CRB1: variants seen among roughly 807,000 people sequenced by gnomAD.
The protein encoded by CRB1 is protein crumbs homolog 1.
CRB1 carries 83 observed loss-of-function variants against 120.0 expected under a neutral mutation model. The observed-to-expected ratio is 0.69, with a 90% CI of 0.58 to 0.83. The LOEUF (loss-of-function observed/expected upper bound fraction) is 0.83. Among genes scored for constraint, CRB1 ranks in the 40% least tolerant of loss-of-function variants. The pLI is 0.00. For synonymous variants in CRB1, 625 were observed against 612.5 expected (o/e 1.02, Z -0.30); for missense variants, 1,699 against 1,687.6 (o/e 1.01, Z -0.12).
chr1:197,359,926 C>A (rs938056970), intron 5 of CRB1, among the ~76,000 whole-genome samples: 3 of 152,054 alleles, frequency 2.0e-5, no homozygotes, highest in Non-Finnish European at 4.4e-5. Flanking sequence ...ATGTTTTTTG[C>A]CTATTTCCTA....
intron 5 of CRB1, among the ~76,000 whole-genome samples, chr1:197,381,308 A>T (rs1302770919): frequency 6.6e-6 from 1 of 152,244 alleles, no homozygotes. Context: ...ATAAAAGGAG[A>T]CTAGATTATT....
chr1:197,365,616 T>C (rs200031960), intron 5 of CRB1, among the ~76,000 whole-genome samples: 2 of 128,732 alleles, frequency 1.6e-5, no homozygotes, highest in African/African-American at 9.1e-5. Flanking sequence ...TTCTCCTTCT[T>C]CTTCTTCTTC....
chr1:197,386,465 G>C (rs1247397803), intron 5 of CRB1, among the ~76,000 whole-genome samples: 1 of 152,052 alleles, frequency 6.6e-6, no homozygotes. Context: ...GTCTCCCTTA[G>C]CAGAGCTAAA....
rs778507836 is a variant in CRB1, at chr1:197,427,608, A to C, written c.2283A>C (p.Gln761His). 1 of 1,614,010 alleles carries C rather than the reference A, an allele frequency of 6.2e-7. No individual in the cohort carries two copies. The highest frequency in any genetic ancestry group is 1.1e-5 in the South Asian group (1 of 91,074). Residue 761 changes from glutamine to histidine, a missense_variant, in exon 7 of 12, where the codon CAA (glutamine) becomes CAC (histidine). Transcript: ENST00000367400. ...TAGCTTTGGAAAACAGCACTTATCA[A>C]TATATCCGTGTCTGGCTAGAGCGCG... ...LLLALENSTY[Q>H]YIRVWLERGR...
At chr1:197,275,550 CACTGTCCCT>C (rs1655156673) in intron 1 of CRB1, among the ~76,000 whole-genome samples, 1 of 152,044 alleles carries the variant, frequency 6.6e-6, no homozygotes, top group Non-Finnish European at 1.5e-5. Context: ...CCCCTCTTTA[CACTGTCCCT>C]ACCTTTTACA....
chr1:197,351,553 G>A (rs924912585), intron 4 of CRB1, among the ~76,000 whole-genome samples: 3 of 152,132 alleles, frequency 2.0e-5, no homozygotes, highest in Non-Finnish European at 2.9e-5. Flanking sequence ...CAACTACGGG[G>A]CAGAGAAATA....
chr1:197,406,613 G>A (rs1663423190), intron 5 of CRB1, among the ~76,000 whole-genome samples: 1 of 152,008 alleles, frequency 6.6e-6, no homozygotes, highest in African/African-American at 2.4e-5. Flanking sequence ...TCAATATTCT[G>A]CATATTTTAA....
intron 5 of CRB1, among the ~76,000 whole-genome samples, chr1:197,403,758 G>T (rs545424779): frequency 1.3e-5 from 2 of 151,946 alleles, no homozygotes; most frequent in African/African-American, 4.8e-5. Flanking sequence ...GATGTTGAAA[G>T]GAATTAGTTT....
At position 197,453,844 on chromosome 1, in the gene CRB1, T is replaced by C. The variant is rs964004888; in HGVS notation, c.4005+11552T>C. ...TTATTAATTATTAATATATTATCAA[T>C]ATTATTATTAATATATATTAATATT... On this transcript the variant is annotated intron_variant, in intron 11 of 11. Transcript: ENST00000367400. Among the ~76,000 whole-genome samples the C allele has an allele frequency of 1.0e-4, 14 of 140,632 alleles. 1 individual carries two copies. The highest frequency in any genetic ancestry group is 8.1e-4 in the Admixed American group (11 of 13,564). 92.3% of individuals were successfully genotyped at this position (140,632 alleles called of 152,430 possible). A position where few individuals can be genotyped will look rare whatever the true frequency, so the allele number is the denominator to read the frequency against.
intron 1 of CRB1, among the ~76,000 whole-genome samples, chr1:197,285,847 A>C (rs1655792651): frequency 1.3e-5 from 2 of 151,956 alleles, no homozygotes; most frequent in African/African-American, 4.8e-5. Flanking sequence ...AACTGGATAG[A>C]GTTGAAACAT....
intron 1 of CRB1, among the ~76,000 whole-genome samples, chr1:197,312,149 A>G (rs901166043): frequency 6.6e-6 from 1 of 152,218 alleles, no homozygotes; most frequent in African/African-American, 2.4e-5. Context: ...TATATAATCA[A>G]TATACAAATA....
intron 5 of CRB1, among the ~76,000 whole-genome samples, chr1:197,419,344 C>A: frequency 6.8e-6 from 1 of 147,476 alleles, no homozygotes; most frequent in East Asian, 2.0e-4. Context: ...AATTAAAAAA[C>A]TGTGTGTCAG....
rs144046520 is a variant in CRB1, at chr1:197,429,701, C to G, written c.2842+87C>G. 6.8e-4 allele frequency: 927 copies of G among 1,359,150 alleles called. 9 individuals are homozygous for G. In the East Asian group the frequency reaches 0.02, roughly 29 times the overall value. The allele number at this position is 1,359,150 out of a possible 1,614,324, so 84.2% of individuals were successfully genotyped here. A position where few individuals can be genotyped will look rare whatever the true frequency, so the allele number is the denominator to read the frequency against. ...AGCAAACACAGAAAAAGAGTATAGA[C>G]AAAGCCAGTTTATTAAATTAATCTA... On this transcript the variant is annotated intron_variant, in intron 8 of 11. Transcript: ENST00000367400.
chr1:197,283,466 C>T (rs988499782), intron 1 of CRB1, among the ~76,000 whole-genome samples: 1 of 151,784 alleles, frequency 6.6e-6, no homozygotes, highest in African/African-American at 2.4e-5. Context: ...TAGCTTAGCT[C>T]CCACTTATGA....
chr1:197,305,973 C>G (rs1657150381), intron 1 of CRB1, among the ~76,000 whole-genome samples: 1 of 151,036 alleles, frequency 6.6e-6, no homozygotes, highest in African/African-American at 2.4e-5. Context: ...CTGGGAATAT[C>G]TTTGTTACTG....
chr1:197,307,741 A>C lies in CRB1; in HGVS notation c.71-20681A>C, dbSNP rs532613877. Among the ~76,000 whole-genome samples, 13 of 152,310 alleles carry C rather than the reference A, an allele frequency of 8.5e-5. No homozygotes were observed. In the South Asian group the frequency reaches 2.1e-3, roughly 24 times the overall value. On this transcript the variant is annotated intron_variant, in intron 1 of 11. Coordinates refer to ENST00000367400, the MANE Select transcript of CRB1 (RefSeq NM_201253.3). ...TTACTCATTAATGTATTAGTACTGGAGGTATTACGATGCAGTAGGTCAGAG... is the reference window on the plus strand; with the variant it reads ...TTACTCATTAATGTATTAGTACTGGCGGTATTACGATGCAGTAGGTCAGAG...
chr1:197,343,813 T>C (rs1197108771), intron 2 of CRB1, among the ~76,000 whole-genome samples: 2 of 152,160 alleles, frequency 1.3e-5, no homozygotes, highest in African/African-American at 2.4e-5. Flanking sequence ...AGCTGAAACA[T>C]GGAAAGGCTG....
chr1:197,261,737 T>A, the CRB1 span, among the ~76,000 whole-genome samples: 3 of 152,306 alleles, frequency 2.0e-5, no homozygotes, highest in South Asian at 6.2e-4. Flanking sequence ...CATTTATAAT[T>A]ATGTAATTAA....
At chr1:197,236,904 T>C in the CRB1 span, among the ~76,000 whole-genome samples, 1 of 152,218 alleles carries the variant, frequency 6.6e-6, no homozygotes, top group Non-Finnish European at 1.5e-5. Flanking sequence ...TTTAAAATAA[T>C]TTTTAAGAAT....
Sources: gnomAD v4.1 joint callset for allele counts (sites outside exome capture counted in the v4.1 genomes callset) on GRCh38, gnomAD v4.1.1 for gene constraint, MANE v1.5 for transcripts, NCBI Gene and HGNC (gene_info 2026-07-23, HGNC 2026-07-21) for gene names.